Variants in CTNND2 observed in about 807,000 individuals in gnomAD.
CTNND2 encodes catenin delta-2.
A neutral mutation model predicts 144.4 loss-of-function variants in CTNND2; 22 were observed. The observed-to-expected ratio is 0.15, with a 90% CI of 0.11 to 0.22. CTNND2 has a LOEUF of 0.22. CTNND2 is among the 10% of genes least tolerant of loss of function. The probability of loss-of-function intolerance (pLI) is 1.00; values close to 1 mark genes in which losing one functional copy is unlikely to be tolerated. For synonymous variants in CTNND2, 751 were observed against 695.6 expected (o/e 1.08, Z -1.25); for missense variants, 1,353 against 1,618.8 (o/e 0.84, Z 2.82).
At chr5:11,875,767 G>A (rs1201515118) in intron 1 of CTNND2, among the ~76,000 whole-genome samples, 3 of 152,092 alleles carry the variant, frequency 2.0e-5, no homozygotes, top group African/African-American at 7.2e-5. Context: ...CCCAGACTAC[G>A]GTATTTTGTT....
At chr5:11,580,247 TAGAG>T (rs1426632689) in intron 2 of CTNND2, among the ~76,000 whole-genome samples, 2 of 152,052 alleles carry the variant, frequency 1.3e-5, no homozygotes, top group African/African-American at 4.8e-5. Flanking sequence ...GATGGGGAAA[TAGAG>T]AGATAGACTA....
At chr5:11,082,634 C>T in intron 16 of CTNND2, 62 bp downstream of exon 16, 2 of 1,581,270 alleles carry the variant, frequency 1.3e-6, no homozygotes, top group Non-Finnish European at 1.7e-6. Context: ...TCAACCACAC[C>T]TACCCCTAGA....
At chr5:11,350,259 T>C (rs1331566173) in intron 8 of CTNND2, among the ~76,000 whole-genome samples, 8 of 152,322 alleles carry the variant, frequency 5.3e-5, no homozygotes, top group Admixed American at 3.3e-4. Flanking sequence ...GTATGTTAAC[T>C]AATTTACACA....
chr5:11,130,401 C>T, intron 12 of CTNND2, among the ~76,000 whole-genome samples: 1 of 152,144 alleles, frequency 6.6e-6, no homozygotes, highest in East Asian at 1.9e-4. Context: ...AACATTGTTC[C>T]AGAGAAGCCC....
chr5:11,873,834 T>C (rs1470937693), intron 1 of CTNND2, among the ~76,000 whole-genome samples: 1 of 152,204 alleles, frequency 6.6e-6, no homozygotes, highest in Non-Finnish European at 1.5e-5. Flanking sequence ...CCTTGCATCA[T>C]GCACTGACCT....
chr5:11,237,905 T>C (rs1169094401), intron 9 of CTNND2, among the ~76,000 whole-genome samples: 1 of 152,246 alleles, frequency 6.6e-6, no homozygotes, highest in Non-Finnish European at 1.5e-5. Context: ...GATAAAAATG[T>C]AATAACATAA....
chr5:11,298,817 G>A (rs755074799), intron 9 of CTNND2, among the ~76,000 whole-genome samples: 10 of 152,256 alleles, frequency 6.6e-5, no homozygotes, highest in Non-Finnish European at 1.3e-4. Flanking sequence ...TACATATGTC[G>A]GTTTGCCCCA....
chr5:11,690,037 T>C (rs2126645822), intron 2 of CTNND2, among the ~76,000 whole-genome samples: 1 of 152,308 alleles, frequency 6.6e-6, no homozygotes. Context: ...CTTTCAAAAA[T>C]AATAACCTGA....
intron 16 of CTNND2, among the ~76,000 whole-genome samples, chr5:11,071,300 G>A (rs1362721763): frequency 6.6e-6 from 1 of 152,186 alleles, no homozygotes; most frequent in Non-Finnish European, 1.5e-5. Context: ...CACTCTGGGA[G>A]GTTGAGGCGG....
chr5:11,496,903 C>A (rs1308419997), intron 3 of CTNND2, among the ~76,000 whole-genome samples: 1 of 152,114 alleles, frequency 6.6e-6, no homozygotes, highest in Non-Finnish European at 1.5e-5. Flanking sequence ...GGGCCCCACA[C>A]CTGGGAGAAG....
At chr5:11,208,442 T>C (rs866575371) in intron 10 of CTNND2, among the ~76,000 whole-genome samples, 1 of 151,948 alleles carries the variant, frequency 6.6e-6, no homozygotes, top group African/African-American at 2.4e-5. Context: ...AGCACCAATA[T>C]ACAGAACAAT....
chr5:11,555,197 C>T (rs901823884), intron 3 of CTNND2, among the ~76,000 whole-genome samples: 1 of 152,100 alleles, frequency 6.6e-6, no homozygotes, highest in Admixed American at 6.6e-5. Context: ...TGCTTGTCAT[C>T]CCCGTCCTGG....
chr5:11,372,266 G>A (rs929659313), intron 7 of CTNND2, among the ~76,000 whole-genome samples: 3 of 152,156 alleles, frequency 2.0e-5, no homozygotes, highest in African/African-American at 7.2e-5. Flanking sequence ...CTCATCCCTA[G>A]AAAAGTATAT....
intron 1 of CTNND2, among the ~76,000 whole-genome samples, chr5:11,893,357 G>A (rs1737138309): frequency 1.3e-5 from 2 of 152,108 alleles, no homozygotes; most frequent in African/African-American, 4.8e-5. Flanking sequence ...ATTCAGAGGG[G>A]GACAGATTAT....
intron 5 of CTNND2, among the ~76,000 whole-genome samples, chr5:11,397,615 C>T (rs534240072): frequency 6.7e-4 from 102 of 152,262 alleles, no homozygotes; most frequent in African/African-American, 2.4e-3. Context: ...GATGGAGATG[C>T]TAAAACACTC....
chr5:11,651,111 T>A (rs1782626160), intron 2 of CTNND2, among the ~76,000 whole-genome samples: 1 of 152,164 alleles, frequency 6.6e-6, no homozygotes, highest in Non-Finnish European at 1.5e-5. Context: ...CCTGGAGGCA[T>A]AGGCAGGAAT....
At chr5:11,490,683 TTAGA>T (rs1217183403) in intron 3 of CTNND2, among the ~76,000 whole-genome samples, 1 of 152,202 alleles carries the variant, frequency 6.6e-6, no homozygotes, top group Non-Finnish European at 1.5e-5. Context: ...TTTTCATTGC[TTAGA>T]TAATTTGCTT....
At position 11,199,497 on chromosome 5, in the gene CTNND2, C is replaced by T; in HGVS notation, c.1926G>A (p.Val642=). Residue 642 remains valine, a synonymous_variant, in exon 11 of 22, where the codon GTG becomes GTA. Coordinates refer to ENST00000304623, the MANE Select transcript of CTNND2 (RefSeq NM_001332.4). ...LKNCGGIPAL[V]RLLRKTTDLE... is the part of the protein sequence containing the mutation. ...GGTCAGTCGTCTTGCGGAGTAACCT[C>T]ACCAGTGCTGGGATGCCACCACAGT... is the stretch of plus-strand genomic sequence containing the variant. 1 of 1,614,220 alleles carries T rather than the reference C, an allele frequency of 6.2e-7. No individual in the cohort carries two copies. Among genetic ancestry groups the T allele is most frequent in the Non-Finnish European group, 8.5e-7 (1 of 1,180,038 alleles).
chr5:11,541,487 A>G (rs955631241), intron 3 of CTNND2, among the ~76,000 whole-genome samples: 2 of 152,124 alleles, frequency 1.3e-5, no homozygotes, highest in African/African-American at 4.8e-5. Flanking sequence ...AAAAGGACAT[A>G]GGAGGAGAGA....
Sources: allele counts gnomAD v4.1 joint callset (sites outside exome capture counted in the v4.1 genomes callset), GRCh38; gene constraint gnomAD v4.1.1; transcripts MANE v1.5; gene names NCBI Gene and HGNC (gene_info 2026-07-23, HGNC 2026-07-21).